The following SGCE variants were observed in gnomAD, a reference collection of about 807,000 sequenced individuals.
SGCE encodes the protein sarcoglycan epsilon.
In SGCE, 26 loss-of-function variants were observed where a neutral mutation model predicts 57.8. That is an observed-to-expected ratio of 0.45 (90% confidence interval 0.33 to 0.62). SGCE has a LOEUF of 0.62. Ranked by LOEUF, SGCE falls within the 20% of genes least tolerant of loss-of-function variation. The pLI is 0.02. For synonymous variants in SGCE, 183 were observed against 189.5 expected, an observed-to-expected ratio of 0.97 and a Z score of 0.28; for missense variants, 468 against 548.6, an observed-to-expected ratio of 0.85 and a Z score of 1.47.
chr7:94,618,595 T>A (rs1562842557), intron 5 of SGCE, 163 bp downstream of exon 5: 1 of 618,112 alleles, frequency 1.6e-6, no homozygotes, highest in Non-Finnish European at 2.8e-6. Context: ...TAACACAACA[T>A]CTTTGCCAAT....
intron 1 of SGCE, among the ~76,000 whole-genome samples, chr7:94,639,820 C>G (rs1161416118): frequency 6.6e-6 from 1 of 152,116 alleles, no homozygotes; most frequent in Non-Finnish European, 1.5e-5. Flanking sequence ...TTATCTCTGG[C>G]TAGGAATGTT....
At chr7:94,586,763 A>G (rs1407387979) in intron 10 of SGCE, 5 of 883,374 alleles carry the variant, frequency 5.7e-6, no homozygotes, top group East Asian at 1.2e-4. Flanking sequence ...TGGCCTCCCA[A>G]AGTGCTGGGA....
chr7:94,608,349 TA>T (rs1196571953), intron 5 of SGCE, among the ~76,000 whole-genome samples: 1 of 151,938 alleles, frequency 6.6e-6, no homozygotes, highest in African/African-American at 2.4e-5. Flanking sequence ...TACTTAAATA[TA>T]AATATAAGTC....
intron 2 of SGCE, chr7:94,628,645 T>A: frequency 2.7e-6 from 1 of 370,844 alleles, no homozygotes; most frequent in Non-Finnish European, 5.0e-6. Context: ...GTTCTGCCAG[T>A]GAGACAACTA....
At position 94,613,528 on chromosome 7, in the gene SGCE, T is replaced by C. The variant is rs114072921; in HGVS notation, c.662+5230A>G. ...TACTTCAAAAGACTAGAGACTGGAG[T>C]GCACTAGATAGAGTTGTTTCTTGTG... is the stretch of plus-strand genomic sequence containing the variant. On this transcript the variant is annotated intron_variant, in intron 5 of 10. Transcript: ENST00000648936. Among the ~76,000 whole-genome samples the C allele has an allele frequency of 9.0e-3, 1,370 of 152,176 alleles. 19 individuals are homozygous for C. Among genetic ancestry groups the C allele is most frequent in the African/African-American group, 0.031 (1,296 of 41,512 alleles).
chr7:94,649,433 T>C (rs979253510), intron 1 of SGCE, among the ~76,000 whole-genome samples: 11 of 152,190 alleles, frequency 7.2e-5, no homozygotes, highest in African/African-American at 2.7e-4. Flanking sequence ...TGGGGATTAT[T>C]ACTTCCAAAG....
chr7:94,599,667 GA>G (rs1262338276), intron 8 of SGCE, 29 bp downstream of exon 8: 2 of 1,601,282 alleles, frequency 1.2e-6, no homozygotes, highest in Non-Finnish European at 1.7e-6. Context: ...AAAAAATGAT[GA>G]AGAAAATAAC....
At chr7:94,641,774 A>C (rs1379353500) in intron 1 of SGCE, among the ~76,000 whole-genome samples, 1 of 152,136 alleles carries the variant, frequency 6.6e-6, no homozygotes, top group African/African-American at 2.4e-5. Flanking sequence ...AAAAGAATAC[A>C]ATTCAAAACC....
At chr7:94,599,392 A>G in intron 8 of SGCE, 1 of 354,242 alleles carries the variant, frequency 2.8e-6, no homozygotes, top group Non-Finnish European at 5.1e-6. Flanking sequence ...AGGTCTTTTC[A>G]TCTGTTCTCT....
chr7:94,626,851 C>T (rs796664992), intron 3 of SGCE: 1 of 151,926 alleles, frequency 6.6e-6, no homozygotes, highest in African/African-American at 2.4e-5. Context: ...AATTAAGGAA[C>T]TTCACTTCTA....
chr7:94,585,396 C>G lies in SGCE; in HGVS notation c.*103G>C. 9.9e-7 allele frequency: 1 copy of G among 1,008,782 alleles called. No individual in the cohort carries two copies. Among genetic ancestry groups the G allele is most frequent in the Non-Finnish European group, 1.6e-6 (1 of 629,886 alleles). 62.5% of individuals were successfully genotyped at this position (1,008,782 alleles called of 1,614,324 possible). On this transcript the variant is annotated 3_prime_UTR_variant, in exon 11 of 11. Coordinates refer to ENST00000648936, the MANE Select transcript of SGCE (RefSeq NM_003919.3). The stretch of plus-strand genomic sequence containing the variant: ...CACTTAATACTGCCAACATGCATAA[C>G]ATATGCCAGAAAAGCTCATGCATTA...
intron 6 of SGCE, among the ~76,000 whole-genome samples, chr7:94,601,426 T>A (rs1799200167): frequency 7.7e-6 from 1 of 129,168 alleles, no homozygotes. Context: ...CAGTCTTACT[T>A]AATTCTATCC....
intron 1 of SGCE, among the ~76,000 whole-genome samples, chr7:94,652,770 C>G (rs1343499040): frequency 6.6e-6 from 1 of 152,164 alleles, no homozygotes; most frequent in East Asian, 1.9e-4. Context: ...TCCACTTACT[C>G]TTTGACAACT....
intron 5 of SGCE, among the ~76,000 whole-genome samples, chr7:94,607,063 A>C (rs1800255236): frequency 6.6e-6 from 1 of 152,128 alleles, no homozygotes; most frequent in African/African-American, 2.4e-5. Flanking sequence ...AACTAGAAAA[A>C]GAAGAACAAA....
At chr7:94,598,615 T>A in intron 9 of SGCE, 160 bp downstream of exon 9, 1 of 674,562 alleles carries the variant, frequency 1.5e-6, no homozygotes, top group Non-Finnish European at 2.7e-6. Flanking sequence ...TTGTATTGTA[T>A]ATTTCAGGAG....
At chr7:94,615,238 A>C (rs777786763) in intron 5 of SGCE, among the ~76,000 whole-genome samples, 46 of 152,150 alleles carry the variant, frequency 3.0e-4, no homozygotes, top group Non-Finnish European at 5.9e-4. Flanking sequence ...AGGTGCCTGT[A>C]ATCTCAGCTA....
intron 6 of SGCE, among the ~76,000 whole-genome samples, chr7:94,601,465 A>AAAAAAAAAAAAAAAAAAAAAC (rs1799242884): frequency 6.7e-6 from 1 of 148,312 alleles, no homozygotes; most frequent in African/African-American, 2.5e-5. Flanking sequence ...AAAAAAAAAA[A>AAAAAAAAAAAAAAAAAAAAAC]AAAAAAAAAA....
At chr7:94,642,192 T>C (rs1247267012) in intron 1 of SGCE, among the ~76,000 whole-genome samples, 1 of 152,204 alleles carries the variant, frequency 6.6e-6, no homozygotes, top group Admixed American at 6.5e-5. Context: ...TTAAAATATA[T>C]GTCAAATTAA....
chr7:94,632,151 C>T lies in SGCE; in HGVS notation c.110-2310G>A, dbSNP rs191430958. Among the ~76,000 whole-genome samples the T allele has an allele frequency of 5.3e-5, 8 of 152,010 alleles. No individual in the cohort carries two copies. In the East Asian group the frequency reaches 1.5e-3, roughly 29 times the overall value. On this transcript the variant is annotated intron_variant, in intron 1 of 10. Transcript: ENST00000648936. Reference sequence around the variant, plus strand: ...ATTGACATTATAAACTAATAGTCTCCCTTAGTATTTGCTGCTATAAGGTGG... The same window carrying T: ...ATTGACATTATAAACTAATAGTCTCTCTTAGTATTTGCTGCTATAAGGTGG...
Sources: gnomAD v4.1 joint callset for allele counts (sites outside exome capture counted in the v4.1 genomes callset) on GRCh38, gnomAD v4.1.1 for gene constraint, MANE v1.5 for transcripts, NCBI Gene and HGNC (gene_info 2026-07-23, HGNC 2026-07-21) for gene names.